SEC16A: variants seen among roughly 807,000 people sequenced by gnomAD.
SEC16A encodes the protein SEC16 homolog A, endoplasmic reticulum export factor.
Under a neutral mutation model 221.9 loss-of-function variants are expected in SEC16A, and 110 were observed. The observed-to-expected ratio is 0.50, with a 90% CI of 0.42 to 0.58. The LOEUF (loss-of-function observed/expected upper bound fraction) is 0.58, where lower values mean the gene tolerates loss of function less well. SEC16A is among the 20% of genes least tolerant of loss of function. The pLI is 0.00. For synonymous variants in SEC16A, 1,393 were observed against 1,257.7 expected (o/e 1.11, Z -2.28); for missense variants, 3,165 against 3,097.8 (o/e 1.02, Z -0.52).
At chr9:136,473,561 G>A (rs951955209) in intron 3 of SEC16A, among the ~76,000 whole-genome samples, 55 of 152,378 alleles carry the variant, frequency 3.6e-4, no homozygotes, top group African/African-American at 1.3e-3. Flanking sequence ...TCGCTTAGCT[G>A]ATGCGTGTGG....
Position 136,474,443 on chromosome 9 carries a change from T to C in SEC16A, c.3173A>G (p.Gln1058Arg), listed in dbSNP as rs898965484. 3 of 1,613,018 alleles carry C rather than the reference T, an allele frequency of 1.9e-6. No individual in the cohort carries two copies. The African/African-American group carries it at 4.0e-5, about 22-fold the overall frequency. Residue 1058 changes from glutamine to arginine, a missense_variant, in exon 3 of 32, where the codon CAG becomes CGG. Transcript: ENST00000684901. The part of the protein sequence containing the change: ...AQGQPGLERA[Q>R]QELVPPQQQA... The stretch of plus-strand genomic sequence containing the variant: ...TTGCTGGGGTGGCACCAGCTCCTGC[T>C]GGGCTCTTTCGAGGCCAGGCTGGCC...
intron 22 of SEC16A, among the ~76,000 whole-genome samples, chr9:136,453,055 G>GC (rs1838081008): frequency 1.5e-5 from 2 of 134,944 alleles, no homozygotes; most frequent in Admixed American, 1.8e-4. Flanking sequence ...GGGCGACAGA[G>GC]CAAGAATCTG....
chr9:136,465,797 C>T (rs1278612861), intron 8 of SEC16A, among the ~76,000 whole-genome samples, 165 bp downstream of exon 8: 2 of 152,226 alleles, frequency 1.3e-5, no homozygotes, highest in African/African-American at 4.8e-5. Context: ...GAGACAGCAT[C>T]GGCCCGTCCT....
At chr9:136,444,088 AT>A in intron 30 of SEC16A, 188 bp from the exon 31 acceptor site, 1 of 514,158 alleles carries the variant, frequency 1.9e-6, no homozygotes, top group South Asian at 2.3e-5. Flanking sequence ...AATGGTGAAA[AT>A]CAAAGCAACG....
At chr9:136,468,300 A>G (rs1346978881) in intron 5 of SEC16A, 115 bp downstream of exon 5, 9 of 585,462 alleles carry the variant, frequency 1.5e-5, no homozygotes, top group Non-Finnish European at 2.2e-5. Flanking sequence ...GATTAATAAA[A>G]GGGGACATTT....
Position 136,450,204 on chromosome 9 carries a change from A to AAAAC in SEC16A, c.6312+1048_6312+1051dup, listed in dbSNP as rs376017444. On this transcript the variant is annotated intron_variant, in intron 23 of 31. Coordinates refer to ENST00000684901, the MANE Select transcript of SEC16A (RefSeq NM_014866.2). ...GGCTGACAGAGTGAGACCCTGTCTCAAAACAAACAAACAAACAAACAAACA... is the reference window on the plus strand; with the variant it reads ...GGCTGACAGAGTGAGACCCTGTCTCAAAACAAACAAACAAACAAACAAACAAACA... Among the ~76,000 whole-genome samples the AAAAC allele has an allele frequency of 3.6e-3, 543 of 152,238 alleles. 4 individuals carry two copies. Among genetic ancestry groups the AAAAC allele is most frequent in the East Asian group, 0.027 (141 of 5,180 alleles).
Position 136,477,043 on chromosome 9 carries a change from T to C in SEC16A, c.573A>G (p.Pro191=). The change falls in exon 3 of 32, where the codon CCA becomes CCG. Residue 191 remains proline, a synonymous_variant. Transcript: ENST00000684901. The stretch of plus-strand genomic sequence containing the variant: ...CTGCTGGGGTGACCACACCGTCATG[T>C]GGGTTTTGCCTGCTCAGGGGTCGGT... The part of the protein sequence containing the change: ...GLDRPLSRQN[P]HDGVVTPAAS... The C allele has an allele frequency of 1.2e-6, 2 of 1,613,782 alleles. No individual in the cohort carries two copies. The highest frequency in any genetic ancestry group is 8.5e-7 in the Non-Finnish European group (1 of 1,179,878).
chr9:136,472,191 T>C (rs183913117), intron 3 of SEC16A, 80 bp from the exon 4 acceptor site: 24 of 1,558,144 alleles, frequency 1.5e-5, no homozygotes, highest in African/African-American at 6.8e-5. Context: ...GCTGGAAACA[T>C]TGCAGAGGGC....
intron 3 of SEC16A, among the ~76,000 whole-genome samples, chr9:136,472,495 G>A (rs117515860): frequency 0.01 from 1,578 of 152,348 alleles, 16 homozygotes; most frequent in Non-Finnish European, 0.014. Flanking sequence ...TTCCTGATAA[G>A]TCCAGTGTGG....
chr9:136,475,726 G>T lies in SEC16A; in HGVS notation c.1890C>A (p.Asn630Lys), dbSNP rs369229593. The change falls in exon 3 of 32, where the codon AAC (asparagine) becomes AAA (lysine). Residue 630 changes from asparagine (N) to lysine (K), a missense_variant. Physicochemically the swap from Asn to Lys is moderately conservative, Grantham distance 94 (BLOSUM62 0). Around this residue, in one of 3 missense-constraint regions of SEC16A, gnomAD observed 2,030 missense variants for 1,923.1 expected, o/e 1.06. Transcript: ENST00000684901. This position sits in a 1 kb window ranked among gnomAD's most constrained non-coding sequence, Gnocchi z 5.0. ...AGGTCTCCCTTACTTCACCAACCAC[G>T]TTGGCGCGATCTGCCTCAAATGGTT... ...GVKPFEADRANVVGEVRETCV... is the reference protein window; with the variant it reads ...GVKPFEADRAKVVGEVRETCV... The T allele has an allele frequency of 8.1e-6, 13 of 1,611,552 alleles. No homozygotes were observed. The highest frequency in any genetic ancestry group is 7.6e-6 in the Non-Finnish European group (9 of 1,178,952).
In SEC16A at chr9:136,460,300, C is replaced by T. The variant is rs767719479; in HGVS notation, c.4992-177G>A. Among the ~76,000 whole-genome samples the T allele has an allele frequency of 4.8e-4, 73 of 152,092 alleles. 1 individual carries two copies. The highest frequency in any genetic ancestry group is 2.1e-4 in the South Asian group (1 of 4,818). On this transcript the variant is annotated intron_variant, in intron 13 of 31. Coordinates refer to ENST00000684901, the MANE Select transcript of SEC16A (RefSeq NM_014866.2). The stretch of plus-strand genomic sequence containing the variant: ...AGAAACCCCATCTCTACTAAAAATA[C>T]AAAAATTAGCCGGGTGTGGTGGTGC...
In SEC16A at chr9:136,475,540, T is replaced by C. The variant is rs768770790; in HGVS notation, c.2076A>G (p.Ala692=). ...ACACAGTATCCAAGGGCGGTGCCCC[T>C]GCGTGCGGAAGCATGTGCACAGCTT... ...TTEAVHMLPH[A]GAPPLDTVYP... The change falls in exon 3 of 32, where the codon GCA becomes GCG. Residue 692 remains alanine, a synonymous_variant. Transcript: ENST00000684901. The surrounding 1 kb of genome is among the most constrained non-coding windows in gnomAD (Gnocchi z 5.0). 1.2e-6 allele frequency: 2 copies of C among 1,613,176 alleles called. No homozygotes were observed. Among genetic ancestry groups the C allele is most frequent in the African/African-American group, 1.3e-5 (1 of 74,984 alleles).
Position 136,471,996 on chromosome 9 carries a change from G to C in SEC16A, c.3683C>G (p.Ser1228Cys). ...GCACCTGGGAGGTGGCCGTTCCGAGGAGTGGCTGGCTCGGGAGCTGGGCCG... is the reference window on the plus strand; with the variant it reads ...GCACCTGGGAGGTGGCCGTTCCGAGCAGTGGCTGGCTCGGGAGCTGGGCCG... ...PERPSSRASH[S>C]SERPPPRQGY... The change falls in exon 4 of 32, where the codon TCC (serine) becomes TGC (cysteine). Residue 1228 changes from serine to cysteine, a missense_variant. Coordinates refer to ENST00000684901, the MANE Select transcript of SEC16A (RefSeq NM_014866.2). 6.2e-7 allele frequency: 1 copy of C among 1,612,000 alleles called. No individual in the cohort carries two copies. Among genetic ancestry groups the C allele is most frequent in the Middle Eastern group, 1.6e-4 (1 of 6,062 alleles).
At position 136,474,761 on chromosome 9, in the gene SEC16A, G is replaced by A. The variant is rs756878436; in HGVS notation, c.2855C>T (p.Pro952Leu). ...TCCAGCAGGGCTATTAGCAAATCCG[G>A]GAAGAGCACTTCCTGCCTTACGATC... ...QKDRKAGSAL[P>L]GFANSPAGST... The change falls in exon 3 of 32, where the codon CCC (proline) becomes CTC (leucine). Residue 952 changes from proline to leucine, a missense_variant. Physicochemically the swap from Pro to Leu is moderately conservative, Grantham distance 98 (BLOSUM62 -3). This residue lies in a region of SEC16A where 2,030 missense variants were observed against 1,923.1 expected (regional missense o/e 1.06). Coordinates refer to ENST00000684901, the MANE Select transcript of SEC16A (RefSeq NM_014866.2). 36 of 1,613,840 alleles carry A rather than the reference G, an allele frequency of 2.2e-5. No homozygotes were observed. The highest frequency in any genetic ancestry group is 3.0e-5 in the Non-Finnish European group (35 of 1,179,912).
chr9:136,463,845 A>G, intron 9 of SEC16A, 105 bp from the exon 10 acceptor site: 5 of 1,216,930 alleles, frequency 4.1e-6, no homozygotes, highest in Non-Finnish European at 6.0e-6. Flanking sequence ...AGAGGATGGC[A>G]TGGCCCACCT....
At chr9:136,478,374 G>C (rs1186964828) in intron 2 of SEC16A, among the ~76,000 whole-genome samples, 1 of 142,726 alleles carries the variant, frequency 7.0e-6, no homozygotes, top group African/African-American at 2.6e-5. Context: ...CTACCCTTCA[G>C]CCTGGGTGAC....
rs1006553985 is a variant in SEC16A, at chr9:136,465,824, C to G, written c.4303+138G>C. 1.5e-5 allele frequency: 14 copies of G among 908,144 alleles called. No homozygotes were observed. The African/African-American group carries it at 2.3e-4, about 15-fold the overall frequency. 56.3% of individuals were successfully genotyped at this position (908,144 alleles called of 1,614,324 possible). ...GCCCGTCCTGACACACCCTGCTTCT[C>G]GGAAGGACGGATTGGGTCAGAGCCA... On this transcript the variant is annotated intron_variant, in intron 8 of 31. Transcript: ENST00000684901.
intron 18 of SEC16A, among the ~76,000 whole-genome samples, 192 bp from the exon 19 acceptor site, chr9:136,456,358 AGAC>A (rs1162172088): frequency 6.6e-6 from 1 of 152,222 alleles, no homozygotes; most frequent in Admixed American, 6.5e-5. Context: ...AAGTTGCTGT[AGAC>A]GACCTCTTGG....
chr9:136,450,605 A>G (rs1837656023), intron 23 of SEC16A, among the ~76,000 whole-genome samples: 1 of 152,204 alleles, frequency 6.6e-6, no homozygotes, highest in Non-Finnish European at 1.5e-5. Context: ...GGAAGACACA[A>G]TGAGATGTCA....
Sources: allele counts gnomAD v4.1 joint callset (sites outside exome capture counted in the v4.1 genomes callset), GRCh38; gene constraint gnomAD v4.1.1; regional missense constraint gnomAD v4.1.1; non-coding constraint Gnocchi (gnomAD v3.1); transcripts MANE v1.5; gene names NCBI Gene and HGNC (gene_info 2026-07-23, HGNC 2026-07-21).